Variants in CDH13 observed in about 807,000 individuals in gnomAD.
CDH13 encodes the protein cadherin-13.
Under a neutral mutation model 63.8 loss-of-function variants are expected in CDH13, and 24 were observed. The ratio of observed to expected loss-of-function variants is 0.38; its 90% CI spans 0.27 to 0.53. CDH13 has a LOEUF of 0.53. Among genes scored for constraint, CDH13 ranks in the 20% least tolerant of loss-of-function variants. The pLI, the probability that CDH13 is intolerant of heterozygous loss-of-function variation, is 0.85. For synonymous variants in CDH13, 503 were observed against 355.3 expected (o/e 1.42, Z -4.67); for missense variants, 1,049 against 903.1 (o/e 1.16, Z -2.07).
chr16:82,840,405 G>A (rs1014073220), intron 1 of CDH13, among the ~76,000 whole-genome samples: 7 of 150,146 alleles, frequency 4.7e-5, no homozygotes, highest in African/African-American at 7.3e-5. Context: ...AAACTTGGCC[G>A]GGTGCAGTGG....
chr16:82,750,107 C>G (rs878915434), intron 1 of CDH13, among the ~76,000 whole-genome samples: 1 of 152,108 alleles, frequency 6.6e-6, no homozygotes, highest in Admixed American at 6.5e-5. Context: ...GTGTGTGATT[C>G]CTGGAGGACA....
chr16:83,467,044 T>C (rs2073333847), intron 6 of CDH13, among the ~76,000 whole-genome samples: 1 of 151,998 alleles, frequency 6.6e-6, no homozygotes, highest in Admixed American at 6.6e-5. Context: ...CCAGCCACAA[T>C]CCAAGGGCCA....
chr16:83,563,225 A>T (rs1249732144), intron 7 of CDH13, among the ~76,000 whole-genome samples: 1 of 152,252 alleles, frequency 6.6e-6, no homozygotes, highest in Non-Finnish European at 1.5e-5. Context: ...ACAGAGCCTA[A>T]TAACATGGGG....
intron 3 of CDH13, among the ~76,000 whole-genome samples, chr16:83,080,562 T>C (rs6565114): frequency 0.65 from 98,305 of 151,442 alleles, 32,935 homozygotes; most frequent in East Asian, 0.88. Context: ...CTGTTATTAG[T>C]CCCGTTTTAA....
chr16:83,306,154 G>T (rs2089871665), intron 5 of CDH13, among the ~76,000 whole-genome samples: 1 of 152,196 alleles, frequency 6.6e-6, no homozygotes, highest in Admixed American at 6.5e-5. Context: ...GGAAGGTGGG[G>T]AGCTAACGTT....
intron 2 of CDH13, among the ~76,000 whole-genome samples, chr16:82,995,826 G>A (rs1341084884): frequency 6.6e-6 from 1 of 152,114 alleles, no homozygotes; most frequent in Non-Finnish European, 1.5e-5. Flanking sequence ...ATCCATTGAG[G>A]AGAAAGATGA....
intron 5 of CDH13, among the ~76,000 whole-genome samples, chr16:83,300,481 C>T (rs188659107): frequency 5.3e-5 from 8 of 152,324 alleles, no homozygotes; most frequent in African/African-American, 1.4e-4. Flanking sequence ...GACAAATGAA[C>T]TGAGACCTGA....
intron 1 of CDH13, among the ~76,000 whole-genome samples, chr16:82,816,430 C>G (rs1403003244): frequency 6.6e-6 from 1 of 152,052 alleles, no homozygotes; most frequent in Non-Finnish European, 1.5e-5. Context: ...TGGTTTTGTG[C>G]ATGAAGATGG....
intron 1 of CDH13, among the ~76,000 whole-genome samples, chr16:82,680,522 T>C (rs934406485): frequency 1.3e-5 from 2 of 152,138 alleles, no homozygotes; most frequent in African/African-American, 4.8e-5. Context: ...GACAGATTAT[T>C]TCTGCGCTCC....
chr16:83,288,853 C>T (rs754965), intron 5 of CDH13, among the ~76,000 whole-genome samples: 27,677 of 152,120 alleles, frequency 0.18, 2,600 homozygotes, highest in Admixed American at 0.21. Flanking sequence ...CAGTCTAAAA[C>T]ATTACAGGAT....
intron 3 of CDH13, among the ~76,000 whole-genome samples, chr16:83,052,991 C>T (rs1158297874): frequency 6.6e-6 from 1 of 151,850 alleles, no homozygotes; most frequent in Non-Finnish European, 1.5e-5. Context: ...TGCAGTGAGA[C>T]CATAAGCCTT....
intron 3 of CDH13, among the ~76,000 whole-genome samples, chr16:83,060,455 T>C (rs920931006): frequency 1.3e-5 from 2 of 152,202 alleles, no homozygotes; most frequent in African/African-American, 4.8e-5. Flanking sequence ...GTCTTCCTGA[T>C]GTTTACTGAG....
chr16:83,070,145 C>T (rs915681684), intron 3 of CDH13, among the ~76,000 whole-genome samples: 1 of 152,116 alleles, frequency 6.6e-6, no homozygotes, highest in African/African-American at 2.4e-5. Context: ...AGAAATTCTG[C>T]TCTTGCAGCA....
intron 5 of CDH13, among the ~76,000 whole-genome samples, chr16:83,320,298 G>A (rs182969959): frequency 6.6e-6 from 1 of 151,884 alleles, no homozygotes; most frequent in Admixed American, 6.6e-5. Flanking sequence ...CTTCCAACTC[G>A]GCCTCCCAAA....
intron 4 of CDH13, among the ~76,000 whole-genome samples, chr16:83,174,305 C>A (rs980448870): frequency 6.6e-6 from 1 of 152,128 alleles, no homozygotes; most frequent in Non-Finnish European, 1.5e-5. Context: ...AATAACACCA[C>A]TCAATGATGT....
intron 2 of CDH13, among the ~76,000 whole-genome samples, chr16:82,910,923 A>G (rs1006479330): frequency 2.6e-5 from 4 of 152,136 alleles, no homozygotes; most frequent in African/African-American, 9.7e-5. Flanking sequence ...GTGGCCAGTG[A>G]GCAAAGAACA....
chr16:83,097,805 G>C (rs753502853), intron 3 of CDH13, among the ~76,000 whole-genome samples: 1 of 152,198 alleles, frequency 6.6e-6, no homozygotes. Context: ...AGTTTTCTCA[G>C]CTCCAATTTT....
At chr16:83,693,911 G>T (rs954672823) in intron 10 of CDH13, among the ~76,000 whole-genome samples, 2 of 152,186 alleles carry the variant, frequency 1.3e-5, no homozygotes, top group Non-Finnish European at 2.9e-5. Flanking sequence ...ACAAGTTTAG[G>T]ATCTGGTTGA....
intron 9 of CDH13, among the ~76,000 whole-genome samples, chr16:83,677,799 A>G (rs1915084067): frequency 6.6e-6 from 1 of 151,866 alleles, no homozygotes; most frequent in Non-Finnish European, 1.5e-5. Context: ...GGGGGTACGG[A>G]GTTACAGGTT....
Sources: gnomAD v4.1 joint callset for allele counts (sites outside exome capture counted in the v4.1 genomes callset) on GRCh38, gnomAD v4.1.1 for gene constraint, MANE v1.5 for transcripts, NCBI Gene and HGNC (gene_info 2026-07-23, HGNC 2026-07-21) for gene names.